Variants in EHBP1 observed in about 807,000 individuals in gnomAD.
EHBP1 encodes EH domain-binding protein 1.
A neutral mutation model predicts 144.0 loss-of-function variants in EHBP1; 55 were observed. The ratio of observed to expected loss-of-function variants is 0.38; its 90% CI spans 0.31 to 0.48. The LOEUF (loss-of-function observed/expected upper bound fraction) is 0.48, where lower values mean the gene tolerates loss of function less well. Ranked by LOEUF, EHBP1 falls within the 20% of genes least tolerant of loss-of-function variation. EHBP1 has a pLI of 0.98. For missense variants in EHBP1, 1,200 were observed against 1,364.2 expected, an observed-to-expected ratio of 0.88 and a Z score of 1.90; for synonymous variants, 469 against 472.7, an observed-to-expected ratio of 0.99 and a Z score of 0.10.
intron 19 of EHBP1, among the ~76,000 whole-genome samples, chr2:63,013,832 G>T (rs950344060): frequency 1.6e-4 from 24 of 152,174 alleles, no homozygotes; most frequent in Non-Finnish European, 4.4e-5. Flanking sequence ...CTTTTTAACA[G>T]GAGGAAATTT....
chr2:62,918,343 G>A (rs943897681), intron 10 of EHBP1, among the ~76,000 whole-genome samples: 3 of 152,124 alleles, frequency 2.0e-5, no homozygotes, highest in Non-Finnish European at 2.9e-5. Flanking sequence ...CACTTATAGA[G>A]CCCAAATGCT....
intron 1 of EHBP1, among the ~76,000 whole-genome samples, chr2:62,685,068 G>C (rs2033674614): frequency 6.6e-6 from 1 of 152,140 alleles, no homozygotes; most frequent in Non-Finnish European, 1.5e-5. Flanking sequence ...CTGTTAGATA[G>C]AAGGAATAAG....
chr2:62,885,055 T>TA (rs1170736199), intron 10 of EHBP1, among the ~76,000 whole-genome samples: 1 of 152,202 alleles, frequency 6.6e-6, no homozygotes, highest in Non-Finnish European at 1.5e-5. Context: ...AGTTGAATAA[T>TA]AAAAAATTAC....
chr2:62,773,808 G>A (rs558605349), intron 5 of EHBP1, among the ~76,000 whole-genome samples: 49 of 122,360 alleles, frequency 4.0e-4, no homozygotes, highest in East Asian at 8.4e-4. Context: ...CCGAGATCGC[G>A]CCACTGCACT....
intron 10 of EHBP1, among the ~76,000 whole-genome samples, chr2:62,916,654 A>G (rs1237184121): frequency 1.3e-5 from 2 of 151,152 alleles, no homozygotes; most frequent in Non-Finnish European, 2.9e-5. Context: ...ATATATTTCC[A>G]TATTTCCAAG....
chr2:62,806,389 G>A (rs1467325266), intron 5 of EHBP1, among the ~76,000 whole-genome samples: 1 of 148,138 alleles, frequency 6.8e-6, no homozygotes, highest in Non-Finnish European at 1.5e-5. Flanking sequence ...TTGTTTTTTT[G>A]AGGCGGAGTC....
chr2:62,712,478 C>T (rs1267276874), intron 2 of EHBP1, among the ~76,000 whole-genome samples: 1 of 152,190 alleles, frequency 6.6e-6, no homozygotes, highest in Non-Finnish European at 1.5e-5. Flanking sequence ...TAAGTGAATG[C>T]AACCAGCAAG....
At position 63,045,687 on chromosome 2, in the gene EHBP1, T is replaced by G; in HGVS notation, c.*187T>G. ...CCAAATAATATACAGAACTCCAAAA[T>G]AGCTTCATTTAAGGATTTTTTTGTG... is the stretch of plus-strand genomic sequence containing the variant. On this transcript the variant is annotated 3_prime_UTR_variant, in exon 23 of 23. Coordinates refer to ENST00000431489, the MANE Select transcript of EHBP1 (RefSeq NM_001142616.3). This position sits in a 1 kb window ranked among gnomAD's most constrained non-coding sequence, Gnocchi z 5.7. 1 of 547,492 alleles carries G rather than the reference T, an allele frequency of 1.8e-6. No homozygotes were observed. Among genetic ancestry groups the G allele is most frequent in the East Asian group, 3.1e-5 (1 of 32,294 alleles). 33.9% of individuals were successfully genotyped at this position (547,492 alleles called of 1,614,324 possible).
At chr2:62,841,214 A>G (rs532528453) in intron 7 of EHBP1, among the ~76,000 whole-genome samples, 1 of 152,240 alleles carries the variant, frequency 6.6e-6, no homozygotes, top group African/African-American at 2.4e-5. Flanking sequence ...ATTGGAAATC[A>G]GCATTCTCAG....
intron 13 of EHBP1, among the ~76,000 whole-genome samples, chr2:62,952,447 G>A (rs752132435): frequency 1.5e-4 from 23 of 152,062 alleles, no homozygotes; most frequent in Non-Finnish European, 2.9e-4. Context: ...TTCTTTCTTA[G>A]TAGTTCATAA....
chr2:62,675,023 G>C (rs1245489546), intron 1 of EHBP1, among the ~76,000 whole-genome samples: 1 of 152,194 alleles, frequency 6.6e-6, no homozygotes, highest in Non-Finnish European at 1.5e-5. Flanking sequence ...GTTCATTTCA[G>C]TGAGATTTCA....
chr2:62,943,027 G>A, intron 11 of EHBP1, 131 bp downstream of exon 11: 1 of 670,036 alleles, frequency 1.5e-6, no homozygotes. Flanking sequence ...TTGCTTTTGA[G>A]AGATATATGT....
At chr2:62,997,318 G>T (rs186294691) in intron 19 of EHBP1, among the ~76,000 whole-genome samples, 2 of 152,084 alleles carry the variant, frequency 1.3e-5, no homozygotes, top group Admixed American at 6.6e-5. Flanking sequence ...GTAAAGATAG[G>T]TTAGAGCACC....
chr2:62,744,595 A>G (rs1362725687), intron 2 of EHBP1, among the ~76,000 whole-genome samples: 2 of 152,110 alleles, frequency 1.3e-5, no homozygotes, highest in Admixed American at 1.3e-4. Context: ...ACATGACTTA[A>G]AATCACAAAA....
At chr2:62,853,295 A>G (rs912237828) in intron 7 of EHBP1, among the ~76,000 whole-genome samples, 2 of 152,184 alleles carry the variant, frequency 1.3e-5, no homozygotes, top group Admixed American at 6.5e-5. Flanking sequence ...AGTGTGCAAT[A>G]CCATTATGTC....
chr2:62,990,686 A>G, intron 15 of EHBP1, 30 bp from the exon 16 acceptor site: 1 of 1,609,610 alleles, frequency 6.2e-7, no homozygotes, highest in Non-Finnish European at 8.5e-7. Context: ...CATCTCACTC[A>G]GTTATTCATG....
intron 7 of EHBP1, among the ~76,000 whole-genome samples, chr2:62,851,312 G>T (rs909630567): frequency 6.6e-6 from 1 of 152,038 alleles, no homozygotes; most frequent in Admixed American, 6.6e-5. Context: ...ATTTCCTATC[G>T]CTGGCATCTT....
chr2:62,980,739 G>A (rs1420536299), intron 15 of EHBP1, among the ~76,000 whole-genome samples: 1 of 151,690 alleles, frequency 6.6e-6, no homozygotes, highest in Non-Finnish European at 1.5e-5. Context: ...AACACTCTGG[G>A]AGGCCAAGGT....
intron 9 of EHBP1, among the ~76,000 whole-genome samples, chr2:62,871,789 G>A (rs1216337314): frequency 1.3e-5 from 2 of 152,270 alleles, no homozygotes; most frequent in African/African-American, 2.4e-5. Flanking sequence ...CAAAGAGAAA[G>A]TATTCACCCT....
Sources: allele counts gnomAD v4.1 joint callset (sites outside exome capture counted in the v4.1 genomes callset), GRCh38; gene constraint gnomAD v4.1.1; non-coding constraint Gnocchi (gnomAD v3.1); transcripts MANE v1.5; gene names NCBI Gene and HGNC (gene_info 2026-07-23, HGNC 2026-07-21).